Variants in MEGF6 observed in about 807,000 individuals in gnomAD.
The protein encoded by MEGF6 is multiple epidermal growth factor-like domains protein 6.
A neutral mutation model predicts 207.1 loss-of-function variants in MEGF6; 184 were observed. The observed-to-expected ratio is 0.89, with a 90% confidence interval of 0.79 to 1.00. The LOEUF (loss-of-function observed/expected upper bound fraction) is 1.00, where lower values mean the gene tolerates loss of function less well. Among genes scored for constraint, MEGF6 ranks in the 50% least tolerant of loss-of-function variants. MEGF6 has a pLI of 0.00. For missense variants in MEGF6, 2,282 were observed against 2,202.9 expected (o/e 1.04, Z -0.72); for synonymous variants, 1,038 against 910.0 (o/e 1.14, Z -2.53).
chr1:3,498,673 C>G (rs1192097112), intron 25 of MEGF6, 25 bp downstream of exon 25: 4 of 1,539,474 alleles, frequency 2.6e-6, no homozygotes, highest in Non-Finnish European at 2.6e-6. Context: ...TGGGGTATGT[C>G]CCTCCTCTGC....
intron 4 of MEGF6, 71 bp downstream of exon 4, chr1:3,579,754 C>A: frequency 8.6e-7 from 1 of 1,156,348 alleles, no homozygotes; most frequent in African/African-American, 1.6e-5. Context: ...GGCCAGTGGC[C>A]GACACATCCT....
Position 3,506,196 on chromosome 1 carries a change from T to A in MEGF6, c.1830A>T (p.Lys610Asn). 6.2e-7 allele frequency: 1 copy of A among 1,605,418 alleles called. No homozygotes were observed. Among genetic ancestry groups the A allele is most frequent in the Non-Finnish European group, 8.5e-7 (1 of 1,176,040 alleles). The change falls in exon 15 of 37, where the codon AAA becomes AAT. Residue 610 changes from lysine (K) to asparagine (N), a missense_variant. Coordinates refer to ENST00000356575, the MANE Select transcript of MEGF6 (RefSeq NM_001409.4). ...KGYYGKHCRK[K>N]CNCANRGRCH... is the part of the protein sequence containing the mutation. ...ACCGGCCCCGGTTGGCACAGTTGCATTTCTTGCGACAGTGCTTGCCATAGT... is the reference window on the plus strand; with the variant it reads ...ACCGGCCCCGGTTGGCACAGTTGCAATTCTTGCGACAGTGCTTGCCATAGT...
At chr1:3,493,713 A>G (rs949077954) in intron 34 of MEGF6, 58 bp downstream of exon 34, 27 of 1,585,328 alleles carry the variant, frequency 1.7e-5, no homozygotes, top group Non-Finnish European at 2.2e-5. Flanking sequence ...ACCAATCAAT[A>G]TTGGTCACTG....
chr1:3,582,539 T>G (rs1643824626), intron 3 of MEGF6, among the ~76,000 whole-genome samples: 1 of 152,214 alleles, frequency 6.6e-6, no homozygotes, highest in Admixed American at 6.5e-5. Flanking sequence ...CTGCTCACTC[T>G]ATTTCCATTC....
intron 4 of MEGF6, among the ~76,000 whole-genome samples, chr1:3,527,464 C>T (rs754380160): frequency 2.0e-5 from 3 of 152,228 alleles, no homozygotes; most frequent in Non-Finnish European, 4.4e-5. Flanking sequence ...GGGGAGACCC[C>T]GAGGGTCCCT....
intron 3 of MEGF6, among the ~76,000 whole-genome samples, chr1:3,589,622 T>C (rs1385603927): frequency 1.3e-5 from 2 of 152,182 alleles, no homozygotes; most frequent in African/African-American, 4.8e-5. Flanking sequence ...CATCCTTTCC[T>C]GAGTGTCTCC....
chr1:3,568,796 G>C (rs1570155746), intron 4 of MEGF6, among the ~76,000 whole-genome samples: 1 of 152,102 alleles, frequency 6.6e-6, no homozygotes, highest in East Asian at 1.9e-4. Context: ...AAGCCCTGTG[G>C]GTGAGGTTTG....
At chr1:3,536,595 C>A (rs190495397) in intron 4 of MEGF6, among the ~76,000 whole-genome samples, 1 of 152,200 alleles carries the variant, frequency 6.6e-6, no homozygotes, top group Admixed American at 6.5e-5. Flanking sequence ...ACGTCCCAGC[C>A]GGAGAATGTG....
chr1:3,522,688 A>G (rs1641799126), intron 5 of MEGF6, among the ~76,000 whole-genome samples: 1 of 152,024 alleles, frequency 6.6e-6, no homozygotes, highest in Non-Finnish European at 1.5e-5. Flanking sequence ...GGTGAAACAA[A>G]GCCTAGGAGA....
At position 3,560,173 on chromosome 1, in the gene MEGF6, A is replaced by G. The variant is rs1306003632; in HGVS notation, c.481+19652T>C. On this transcript the variant is annotated intron_variant, in intron 4 of 36. Transcript: ENST00000356575. The surrounding 1 kb of genome is among the most constrained non-coding windows in gnomAD (Gnocchi z 4.0). ...TTAACTAATAGATTTTATTTTTTAA[A>G]GCACTTTTAGGCTTATGGAAAAACT... Among the ~76,000 whole-genome samples the G allele has an allele frequency of 6.6e-6, 1 of 151,996 alleles. No homozygotes were observed. Among genetic ancestry groups the G allele is most frequent in the East Asian group, 1.9e-4 (1 of 5,186 alleles).
At chr1:3,624,780 G>T in the MEGF6 span, 1 of 193,558 alleles carries the variant, frequency 5.2e-6, no homozygotes, top group South Asian at 1.9e-4. Context: ...GCCCCTTCTC[G>T]TTGTGTAAAC....
At chr1:3,505,390 C>CT in intron 16 of MEGF6, 32 bp downstream of exon 16, 1 of 1,598,784 alleles carries the variant, frequency 6.3e-7, no homozygotes, top group Non-Finnish European at 8.5e-7. Flanking sequence ...ACCCTGGCGC[C>CT]CCCCGCCCCC....
rs761927326 is a variant in MEGF6 at position 3,498,744 on chromosome 1, G to C, written c.3177C>G (p.Gly1059=). 1.3e-6 allele frequency: 2 copies of C among 1,564,362 alleles called. No homozygotes were observed. Among genetic ancestry groups the C allele is most frequent in the South Asian group, 1.2e-5 (1 of 85,406 alleles). The stretch of plus-strand genomic sequence containing the variant: ...CCCAGCCCTCTGGGCACGCACAGTG[G>C]CCTGAGACAGGGTCACAGGTCCCTC... The part of the protein sequence containing the change: ...QNGGTCDPVS[G]HCACPEGWAG... The change falls in exon 25 of 37, where the codon GGC becomes GGG. Residue 1059 remains glycine (G), a synonymous_variant. Transcript: ENST00000356575.
chr1:3,612,216 A>G (rs1187840937), upstream of MEGF6, among the ~76,000 whole-genome samples: 1 of 151,980 alleles, frequency 6.6e-6, no homozygotes, highest in African/African-American at 2.4e-5. Flanking sequence ...ATGTTCTTGG[A>G]CAGTGGCCTG....
the MEGF6 span, among the ~76,000 whole-genome samples, chr1:3,622,534 A>T: frequency 6.6e-6 from 1 of 152,246 alleles, no homozygotes; most frequent in Non-Finnish European, 1.5e-5. Context: ...CATGATGATG[A>T]TCGACTAAAG....
chr1:3,523,817 G>A (rs1340589996), intron 5 of MEGF6, among the ~76,000 whole-genome samples: 1 of 152,206 alleles, frequency 6.6e-6, no homozygotes, highest in East Asian at 1.9e-4. Flanking sequence ...TCCACCCACG[G>A]GCTCACTCCC....
chr1:3,599,041 C>T (rs1318892572), intron 2 of MEGF6, among the ~76,000 whole-genome samples: 2 of 152,194 alleles, frequency 1.3e-5, no homozygotes, highest in Non-Finnish European at 2.9e-5. Context: ...CACCCATCAC[C>T]CCGCGGCCCT....
chr1:3,610,505 T>C (rs1644310795), intron 1 of MEGF6, among the ~76,000 whole-genome samples: 1 of 19,220 alleles, frequency 5.2e-5, no homozygotes, highest in Non-Finnish European at 1.8e-4. Flanking sequence ...CCTCCTCCAC[T>C]GCCGCACGTT....
rs1570008441 is a variant in MEGF6, at chr1:3,512,066, A to C, written c.916T>G (p.Ser306Ala). 6.2e-7 allele frequency: 1 copy of C among 1,612,526 alleles called. No individual in the cohort carries two copies. Among genetic ancestry groups the C allele is most frequent in the East Asian group, 2.2e-5 (1 of 44,862 alleles). ...CAHGCLNTQG[S>A]FKCVCHAGYE... ...CCCGCGTGACACACGCACTTGAAGG[A>C]CCCCTGGGTGTTGAGGCAGCCATGG... The change falls in exon 8 of 37, where the codon TCC becomes GCC. Residue 306 changes from serine to alanine, a missense_variant. By Grantham distance (99) the Ser-to-Ala change is moderately conservative. Transcript: ENST00000356575.
Sources: gnomAD v4.1 joint callset for allele counts (sites outside exome capture counted in the v4.1 genomes callset) on GRCh38, gnomAD v4.1.1 for gene constraint, Gnocchi (gnomAD v3.1) non-coding constraint, MANE v1.5 for transcripts, NCBI Gene and HGNC (gene_info 2026-07-23, HGNC 2026-07-21) for gene names.